The following KSR2 variants were observed in gnomAD, a reference collection of about 807,000 sequenced individuals.
KSR2 encodes kinase suppressor of ras 2.
Under a neutral mutation model 107.8 loss-of-function variants are expected in KSR2, and 25 were observed. That is an observed-to-expected ratio of 0.23 (90% CI 0.17 to 0.32). KSR2 has a LOEUF of 0.32. Ranked by LOEUF, KSR2 falls within the 10% of genes least tolerant of loss-of-function variation. The pLI is 1.00. For synonymous variants in KSR2, 480 were observed against 507.0 expected (o/e 0.95, Z 0.71); for missense variants, 887 against 1,268.9 (o/e 0.70, Z 4.57).
At chr12:117,740,623 T>A (rs544734372) in intron 4 of KSR2, among the ~76,000 whole-genome samples, 2 of 116,350 alleles carry the variant, frequency 1.7e-5, no homozygotes, top group East Asian at 4.6e-4. Context: ...ATACATATAT[T>A]ATATATGTAA....
intron 5 of KSR2, among the ~76,000 whole-genome samples, chr12:117,642,983 G>T (rs867991122): frequency 1.8e-4 from 28 of 152,280 alleles, no homozygotes; most frequent in African/African-American, 2.6e-4. Context: ...TGAGGTTTTA[G>T]ACAGGATTCT....
intron 1 of KSR2, among the ~76,000 whole-genome samples, chr12:117,927,973 T>G (rs1422275012): frequency 6.6e-6 from 1 of 152,118 alleles, no homozygotes; most frequent in Non-Finnish European, 1.5e-5. Flanking sequence ...TCTGTACCCA[T>G]TAAGCCATAA....
chr12:117,560,927 G>C (rs1878072221), intron 7 of KSR2, among the ~76,000 whole-genome samples: 1 of 152,068 alleles, frequency 6.6e-6, no homozygotes, highest in African/African-American at 2.4e-5. Flanking sequence ...CAAGAGGCTG[G>C]TGCCATACTT....
At position 117,458,711 on chromosome 12, in the gene KSR2, C is replaced by T. The variant is rs1417470086; in HGVS notation, c.*8488G>A. The stretch of plus-strand genomic sequence containing the variant: ...GAGGCAGTGGACAAGAAGGTACTCT[C>T]AGCCACCGAGCTGGTGATTAGAGGT... On this transcript the variant is annotated 3_prime_UTR_variant, in exon 20 of 20. Transcript: ENST00000339824. The T allele has an allele frequency of 6.6e-6, 1 of 152,204 alleles. No homozygotes were observed. Among genetic ancestry groups the T allele is most frequent in the Non-Finnish European group, 1.5e-5 (1 of 68,056 alleles). The allele number at this position is 152,204 out of a possible 1,614,324, so 9.4% of individuals were successfully genotyped here.
At position 117,531,654 on chromosome 12, in the gene KSR2, C is replaced by T. The variant is rs769956807; in HGVS notation, c.1729+12G>A. 2 of 1,603,412 alleles carry T rather than the reference C, an allele frequency of 1.2e-6. No individual in the cohort carries two copies. Among genetic ancestry groups the T allele is most frequent in the African/African-American group, 2.7e-5 (2 of 74,230 alleles). ...TTCAGAAGGGGCTGCTTCCAGCTCA[C>T]ATGAAACTCACCTGGGAAGATGAAC... On this transcript the variant is annotated intron_variant, in intron 11 of 19. Coordinates refer to ENST00000339824, the MANE Select transcript of KSR2 (RefSeq NM_173598.6).
chr12:117,731,478 C>T (rs981710238), intron 4 of KSR2, among the ~76,000 whole-genome samples: 50 of 151,486 alleles, frequency 3.3e-4, no homozygotes, highest in African/African-American at 1.0e-3. Context: ...TCTGCCCGGC[C>T]GCCCCATCTG....
At chr12:117,660,924 G>A in intron 5 of KSR2, among the ~76,000 whole-genome samples, 1 of 152,208 alleles carries the variant, frequency 6.6e-6, no homozygotes, top group East Asian at 1.9e-4. Flanking sequence ...GGAAGGCTGA[G>A]GGCTGGGCTC....
At chr12:117,642,915 G>A (rs543761745) in intron 5 of KSR2, among the ~76,000 whole-genome samples, 3 of 152,284 alleles carry the variant, frequency 2.0e-5, no homozygotes, top group Admixed American at 2.0e-4. Context: ...TGGGAAACCA[G>A]GCCCCCAGGC....
intron 4 of KSR2, among the ~76,000 whole-genome samples, chr12:117,724,515 T>G (rs1343440382): frequency 6.6e-6 from 1 of 152,054 alleles, no homozygotes; most frequent in Non-Finnish European, 1.5e-5. Flanking sequence ...AGACTTTAGG[T>G]GGCTTTGCTG....
At chr12:117,836,132 CT>C (rs1892203885) in intron 3 of KSR2, among the ~76,000 whole-genome samples, 2 of 152,016 alleles carry the variant, frequency 1.3e-5, no homozygotes, top group Non-Finnish European at 2.9e-5. Flanking sequence ...TGGGTGCTAA[CT>C]TTTTTCTGCT....
At position 117,668,694 on chromosome 12, in the gene KSR2, A is replaced by G. The variant is rs769943665; in HGVS notation, c.987-1036T>C. On this transcript the variant is annotated intron_variant, in intron 4 of 19. Coordinates refer to ENST00000339824, the MANE Select transcript of KSR2 (RefSeq NM_173598.6). The stretch of plus-strand genomic sequence containing the variant: ...GGAGAATTGTGGAGAGGATTTAAAA[A>G]TGCCCGTAAGTGAATTAATACAAAG... Among the ~76,000 whole-genome samples, 156 of 152,320 alleles carry G rather than the reference A, an allele frequency of 1.0e-3. 4 individuals carry two copies. Among genetic ancestry groups the G allele is most frequent in the Non-Finnish European group, 4.9e-4 (33 of 68,032 alleles).
chr12:117,959,411 A>C (rs751419174), intron 1 of KSR2, among the ~76,000 whole-genome samples: 1 of 152,166 alleles, frequency 6.6e-6, no homozygotes, highest in East Asian at 1.9e-4. Flanking sequence ...CAGATTCATC[A>C]GCACCTTCCA....
rs368877435 is a variant in KSR2 at position 117,755,345 on chromosome 12, G to A, written c.986+5666C>T. Among the ~76,000 whole-genome samples, 10 of 152,310 alleles carry A rather than the reference G, an allele frequency of 6.6e-5. No homozygotes were observed. The East Asian group carries it at 1.2e-3, about 18-fold the overall frequency. ...CATTGAGCAAGCCTCTCGCTGCCAC[G>A]TTTCCAACAGCACAAGCTCACTTCA... On this transcript the variant is annotated intron_variant, in intron 4 of 19. Coordinates refer to ENST00000339824, the MANE Select transcript of KSR2 (RefSeq NM_173598.6).
chr12:117,829,188 T>C (rs1399702300), intron 3 of KSR2, among the ~76,000 whole-genome samples: 1 of 152,204 alleles, frequency 6.6e-6, no homozygotes, highest in African/African-American at 2.4e-5. Flanking sequence ...TTCATCTCCC[T>C]AATCCTCTTC....
chr12:117,697,940 T>C (rs2136604363), intron 4 of KSR2, among the ~76,000 whole-genome samples: 1 of 152,116 alleles, frequency 6.6e-6, no homozygotes, highest in East Asian at 1.9e-4. Context: ...ATGACTGATG[T>C]CCCTATAAAA....
chr12:117,505,932 CCT>C (rs976468579), intron 14 of KSR2, among the ~76,000 whole-genome samples: 2 of 152,184 alleles, frequency 1.3e-5, no homozygotes, highest in Admixed American at 6.5e-5. Flanking sequence ...CCTTTGCACA[CCT>C]CTGTTTCAAC....
chr12:117,836,757 A>G (rs1441846291), intron 3 of KSR2, among the ~76,000 whole-genome samples: 1 of 152,168 alleles, frequency 6.6e-6, no homozygotes, highest in Admixed American at 6.5e-5. Flanking sequence ...GGAATGTGGC[A>G]AGCACCAGAA....
chr12:117,511,684 T>C (rs756844105), intron 14 of KSR2, among the ~76,000 whole-genome samples: 1 of 152,244 alleles, frequency 6.6e-6, no homozygotes, highest in Non-Finnish European at 1.5e-5. Context: ...TTTCCCTTAA[T>C]AAATATCCAT....
At position 117,968,180 on chromosome 12, in the gene KSR2, G is replaced by C; in HGVS notation, c.76C>G (p.Leu26Val). The part of the protein sequence containing the change: ...SLQKALQQCE[L>V]VQNMIDLSIS... ...CTCAAGTCTATCATGTTTTGGACCA[G>C]TTCGCACTGCTGTAAGGCTTTTTGC... Residue 26 changes from leucine (L) to valine (V), a missense_variant, in exon 1 of 20, where the codon CTG becomes GTG. This residue lies in a region of KSR2 where 21 missense variants were observed against 57.8 expected (regional missense o/e 0.36). Transcript: ENST00000339824. 3 of 1,613,088 alleles carry C rather than the reference G, an allele frequency of 1.9e-6. No homozygotes were observed. Among genetic ancestry groups the C allele is most frequent in the Non-Finnish European group, 2.5e-6 (3 of 1,179,696 alleles).
Sources: allele counts gnomAD v4.1 joint callset (sites outside exome capture counted in the v4.1 genomes callset), GRCh38; gene constraint gnomAD v4.1.1; regional missense constraint gnomAD v4.1.1; transcripts MANE v1.5; gene names NCBI Gene and HGNC (gene_info 2026-07-23, HGNC 2026-07-21).